Variants in CDH1 observed in about 807,000 individuals in gnomAD.
The protein encoded by CDH1 is cadherin 1, also known as cadherin-1.
In CDH1, 35 loss-of-function variants were observed where a neutral mutation model predicts 84.5. The ratio of observed to expected loss-of-function variants is 0.41; its 90% CI spans 0.32 to 0.55. The LOEUF is 0.55. Ranked by LOEUF, CDH1 falls within the 20% of genes least tolerant of loss-of-function variation. CDH1 has a pLI of 0.19. For synonymous variants in CDH1, 417 were observed against 439.0 expected (o/e 0.95, Z 0.63); for missense variants, 994 against 1,126.6 (o/e 0.88, Z 1.68).
intron 2 of CDH1, among the ~76,000 whole-genome samples, chr16:68,756,231 C>T (rs1003403279): frequency 1.3e-5 from 2 of 150,940 alleles, no homozygotes; most frequent in Non-Finnish European, 2.9e-5. Context: ...CCAACAAATT[C>T]TTCACCACAA....
chr16:68,829,640 T>C lies in CDH1; in HGVS notation c.2296-14T>C, dbSNP rs755950355. On this transcript the variant is annotated splice_polypyrimidine_tract_variant and intron_variant, in intron 14 of 15. Transcript: ENST00000261769. Reference sequence around the variant, plus strand: ...TCCTACTCTTCATTGTACTTCAACCTTTTTTCTCCAAAGGACTTTGACTTG... The same window carrying C: ...TCCTACTCTTCATTGTACTTCAACCCTTTTTCTCCAAAGGACTTTGACTTG... 12 of 1,612,856 alleles carry C rather than the reference T, an allele frequency of 7.4e-6. No individual in the cohort carries two copies. The highest frequency in any genetic ancestry group is 1.3e-5 in the African/African-American group (1 of 74,930).
chr16:68,793,354 G>A (rs2152124033), intron 2 of CDH1, among the ~76,000 whole-genome samples: 2 of 152,316 alleles, frequency 1.3e-5, no homozygotes, highest in Admixed American at 1.3e-4. Flanking sequence ...TCCAAGAAGA[G>A]AGGGAGTGTG....
At chr16:68,815,303 C>T (rs1480548274) in intron 9 of CDH1, among the ~76,000 whole-genome samples, 41 of 151,974 alleles carry the variant, frequency 2.7e-4, no homozygotes, top group Non-Finnish European at 2.1e-4. Context: ...CTAGAATAGC[C>T]CCAGCTTTGC....
intron 2 of CDH1, among the ~76,000 whole-genome samples, chr16:68,771,494 C>A (rs1833279521): frequency 6.6e-6 from 1 of 152,062 alleles, no homozygotes; most frequent in Non-Finnish European, 1.5e-5. Context: ...TGGCTCACGC[C>A]TGTAATCCCA....
intron 10 of CDH1, among the ~76,000 whole-genome samples, chr16:68,816,079 G>A (rs187033893): frequency 4.6e-5 from 7 of 152,260 alleles, no homozygotes; most frequent in East Asian, 3.9e-4. Flanking sequence ...GTGCAGTGGC[G>A]TGATCTCTGC....
intron 9 of CDH1, among the ~76,000 whole-genome samples, chr16:68,815,177 T>C (rs1364445675): frequency 3.3e-5 from 5 of 151,950 alleles, no homozygotes; most frequent in Admixed American, 6.6e-5. Context: ...CAGTGAGCCA[T>C]TGCATTCCAG....
chr16:68,739,863 C>T (rs1433469824), intron 2 of CDH1, among the ~76,000 whole-genome samples: 1 of 151,120 alleles, frequency 6.6e-6, no homozygotes, highest in Non-Finnish European at 1.5e-5. Context: ...GACCCACCTG[C>T]CTCAATCTCC....
At chr16:68,780,053 C>T (rs1404303501) in intron 2 of CDH1, among the ~76,000 whole-genome samples, 6 of 152,198 alleles carry the variant, frequency 3.9e-5, no homozygotes, top group Non-Finnish European at 5.9e-5. Context: ...TTGTGTCACT[C>T]GCTCTACTCA....
chr16:68,745,575 TGTATGTGTA>T (rs1162831652), intron 2 of CDH1, among the ~76,000 whole-genome samples: 1 of 100,762 alleles, frequency 9.9e-6, no homozygotes, highest in African/African-American at 3.8e-5. Flanking sequence ...TATATATATA[TGTATGTGTA>T]ATATATGTGT....
intron 6 of CDH1, 60 bp from the exon 7 acceptor site, chr16:68,811,624 G>A (rs1272326209): frequency 1.0e-5 from 15 of 1,465,712 alleles, no homozygotes; most frequent in Non-Finnish European, 1.4e-5. Flanking sequence ...GGATTAAGCA[G>A]TATTGACCCA....
chr16:68,737,707 T>C (rs1003727341), intron 1 of CDH1, among the ~76,000 whole-genome samples: 1 of 151,750 alleles, frequency 6.6e-6, no homozygotes, highest in African/African-American at 2.4e-5. Context: ...GGCGGGGGCG[T>C]CTGGCCGCGG....
At chr16:68,800,952 C>T (rs1006354388) in intron 2 of CDH1, among the ~76,000 whole-genome samples, 1 of 152,178 alleles carries the variant, frequency 6.6e-6, no homozygotes, top group Non-Finnish European at 1.5e-5. Flanking sequence ...TAAGTATCTT[C>T]GTCACGATTT....
intron 2 of CDH1, among the ~76,000 whole-genome samples, chr16:68,773,176 G>A (rs1959629760): frequency 6.6e-6 from 1 of 152,066 alleles, no homozygotes; most frequent in Non-Finnish European, 1.5e-5. Flanking sequence ...GAAGGTGGGT[G>A]TTTTGTGTGT....
intron 2 of CDH1, among the ~76,000 whole-genome samples, chr16:68,744,353 T>G (rs940774588): frequency 1.3e-5 from 2 of 152,174 alleles, no homozygotes; most frequent in African/African-American, 2.4e-5. Flanking sequence ...ATAGCCATTT[T>G]TAAGTGTTTT....
chr16:68,832,893 G>A (rs1444978474), intron 15 of CDH1, among the ~76,000 whole-genome samples: 1 of 152,086 alleles, frequency 6.6e-6, no homozygotes, highest in Non-Finnish European at 1.5e-5. Flanking sequence ...AGATTTAACT[G>A]TTAAGCATTT....
chr16:68,751,877 C>T (rs929692584), intron 2 of CDH1, among the ~76,000 whole-genome samples: 2 of 152,004 alleles, frequency 1.3e-5, no homozygotes, highest in African/African-American at 2.4e-5. Flanking sequence ...CCTCTGCTCA[C>T]TGCAACCTCA....
intron 2 of CDH1, among the ~76,000 whole-genome samples, chr16:68,784,130 C>T (rs1435640974): frequency 2.0e-5 from 3 of 152,078 alleles, no homozygotes; most frequent in Non-Finnish European, 4.4e-5. Flanking sequence ...GTGTGAGTCC[C>T]TCTGTGAGAT....
chr16:68,743,327 C>A lies in CDH1; in HGVS notation c.163+4916C>A, dbSNP rs1172641021. 3.3e-4 allele frequency among the ~76,000 whole-genome samples: 8 copies of A among 24,172 alleles called. 1 individual carries two copies. Among genetic ancestry groups the A allele is most frequent in the South Asian group, 2.4e-3 (2 of 846 alleles). 15.9% of individuals were successfully genotyped at this position (24,172 alleles called of 152,430 possible). A position where few individuals can be genotyped will look rare whatever the true frequency, so the allele number is the denominator to read the frequency against. ...TCTTTCTTTCTTTCTTTCTTTCTTT[C>A]TTTCTTTCTTTCTTTCTTTCTTTCT... On this transcript the variant is annotated intron_variant, in intron 2 of 15. Coordinates refer to ENST00000261769, the MANE Select transcript of CDH1 (RefSeq NM_004360.5).
At chr16:68,789,729 A>G (rs186035905) in intron 2 of CDH1, among the ~76,000 whole-genome samples, 1 of 152,248 alleles carries the variant, frequency 6.6e-6, no homozygotes, top group East Asian at 1.9e-4. Context: ...GGATTCAGTT[A>G]GTCTGAGGCA....
Sources: allele counts gnomAD v4.1 joint callset (sites outside exome capture counted in the v4.1 genomes callset), GRCh38; gene constraint gnomAD v4.1.1; transcripts MANE v1.5; gene names NCBI Gene and HGNC (gene_info 2026-07-23, HGNC 2026-07-21).